SHISA9: variants seen among roughly 807,000 people sequenced by gnomAD.
SHISA9 encodes the protein protein shisa-9.
A neutral mutation model predicts 38.0 loss-of-function variants in SHISA9; 13 were observed. The observed-to-expected ratio is 0.34, with a 90% CI of 0.22 to 0.54. SHISA9 has a LOEUF of 0.54. SHISA9 is among the 20% of genes least tolerant of loss of function. The pLI is 0.91. For missense variants in SHISA9, 538 were observed against 575.8 expected (o/e 0.93, Z 0.67); for synonymous variants, 275 against 242.0 (o/e 1.14, Z -1.27).
intron 2 of SHISA9, among the ~76,000 whole-genome samples, chr16:12,937,386 T>C (rs2071548443): frequency 6.6e-6 from 1 of 152,252 alleles, no homozygotes; most frequent in Non-Finnish European, 1.5e-5. Context: ...ATAAGTTTAT[T>C]GTCTGTTCTC....
the SHISA9 span, among the ~76,000 whole-genome samples, chr16:13,552,073 C>T: frequency 9.7e-4 from 148 of 152,240 alleles, no homozygotes; most frequent in Non-Finnish European, 1.8e-3. Context: ...ACGCATTTTG[C>T]TTCAGCTTTG....
At chr16:13,002,623 C>T (rs937179177) in intron 2 of SHISA9, among the ~76,000 whole-genome samples, 6 of 150,874 alleles carry the variant, frequency 4.0e-5, no homozygotes, top group African/African-American at 1.2e-4. Flanking sequence ...ACCTCCACCC[C>T]CTGGGCTCAA....
At chr16:13,030,608 C>T (rs902284659) in intron 2 of SHISA9, among the ~76,000 whole-genome samples, 1 of 152,180 alleles carries the variant, frequency 6.6e-6, no homozygotes, top group African/African-American at 2.4e-5. Flanking sequence ...CGGACCACAT[C>T]AGTGAGTTGA....
At chr16:13,074,208 G>A (rs1371387517) in intron 2 of SHISA9, among the ~76,000 whole-genome samples, 1 of 152,096 alleles carries the variant, frequency 6.6e-6, no homozygotes, top group Non-Finnish European at 1.5e-5. Context: ...GACCTCAGGT[G>A]ATCCACCCCC....
rs577725904 is a variant in SHISA9 at position 13,049,080 on chromosome 16, G to C, written c.691+132265G>C. Among the ~76,000 whole-genome samples, 651 of 152,010 alleles carry C rather than the reference G, an allele frequency of 4.3e-3. 3 individuals carry two copies. The highest frequency in any genetic ancestry group is 0.027 in the Middle Eastern group (8 of 294). On this transcript the variant is annotated intron_variant, in intron 2 of 4. Coordinates refer to ENST00000558583, the MANE Select transcript of SHISA9 (RefSeq NM_001145204.3). ...TAAAAAAATTTGCTTTGTGTTCCAG[G>C]TTCAGCAGGCACTAGCCAGGAAATT...
chr16:12,991,999 GGT>G (rs2072392991), intron 2 of SHISA9, among the ~76,000 whole-genome samples: 1 of 151,964 alleles, frequency 6.6e-6, no homozygotes, highest in South Asian at 2.1e-4. Flanking sequence ...TGTCTAGAAG[GGT>G]ACCCAGCACA....
At chr16:13,444,926 C>T in the SHISA9 span, among the ~76,000 whole-genome samples, 1 of 147,350 alleles carries the variant, frequency 6.8e-6, no homozygotes, top group Non-Finnish European at 1.5e-5. Flanking sequence ...TCAAGTGATT[C>T]TTGTGTCTCA....
chr16:13,487,897 C>T, the SHISA9 span, among the ~76,000 whole-genome samples: 1 of 152,094 alleles, frequency 6.6e-6, no homozygotes, highest in Non-Finnish European at 1.5e-5. Context: ...TGGGCCAATG[C>T]AATTATTTGG....
At chr16:13,428,152 A>G in the SHISA9 span, among the ~76,000 whole-genome samples, 5 of 152,114 alleles carry the variant, frequency 3.3e-5, no homozygotes, top group East Asian at 9.6e-4. Flanking sequence ...TCAAGGTTTA[A>G]CTAGTCTTGT....
At chr16:13,036,452 G>C (rs980543122) in intron 2 of SHISA9, among the ~76,000 whole-genome samples, 2 of 152,130 alleles carry the variant, frequency 1.3e-5, no homozygotes, top group Non-Finnish European at 2.9e-5. Context: ...GCTAAATAGT[G>C]TTTGTCTGAG....
intron 2 of SHISA9, among the ~76,000 whole-genome samples, chr16:13,178,429 C>T (rs2050750079): frequency 6.6e-6 from 1 of 151,908 alleles, no homozygotes; most frequent in South Asian, 2.1e-4. Context: ...TGCCTCCCAT[C>T]TTGGGCCCCA....
chr16:13,496,326 A>C, the SHISA9 span, among the ~76,000 whole-genome samples: 1 of 152,186 alleles, frequency 6.6e-6, no homozygotes, highest in African/African-American at 2.4e-5. Context: ...ATAATAAGGT[A>C]ATGAGGTAAT....
At chr16:13,021,193 G>A (rs952204565) in intron 2 of SHISA9, among the ~76,000 whole-genome samples, 1 of 152,152 alleles carries the variant, frequency 6.6e-6, no homozygotes, top group South Asian at 2.1e-4. Flanking sequence ...ACCTCCTTCA[G>A]GGTGTTTGGT....
intron 1 of SHISA9, chr16:12,909,703 C>G (rs559568614): frequency 7.8e-6 from 4 of 516,062 alleles, no homozygotes; most frequent in South Asian, 1.7e-4. Flanking sequence ...CCACCCCAGC[C>G]TGACACACTC....
the SHISA9 span, among the ~76,000 whole-genome samples, chr16:13,376,562 T>C: frequency 6.6e-6 from 1 of 152,214 alleles, no homozygotes; most frequent in Non-Finnish European, 1.5e-5. Flanking sequence ...TTGCAGAAAA[T>C]TGAATCAGGA....
At chr16:13,164,285 C>T (rs576099125) in intron 2 of SHISA9, among the ~76,000 whole-genome samples, 25 of 152,118 alleles carry the variant, frequency 1.6e-4, no homozygotes, top group African/African-American at 4.3e-4. Flanking sequence ...TTATGAATTA[C>T]ATGGATTGAA....
intron 2 of SHISA9, among the ~76,000 whole-genome samples, chr16:12,979,585 A>G (rs1217027037): frequency 6.6e-6 from 1 of 152,108 alleles, no homozygotes; most frequent in Non-Finnish European, 1.5e-5. Flanking sequence ...TGCTTCTCGT[A>G]TAGTCTTGAA....
the SHISA9 span, among the ~76,000 whole-genome samples, chr16:13,297,293 G>C: frequency 6.6e-6 from 1 of 151,976 alleles, no homozygotes; most frequent in Non-Finnish European, 1.5e-5. Context: ...TATTCCTATG[G>C]GTCACATGGT....
the SHISA9 span, among the ~76,000 whole-genome samples, chr16:13,558,503 T>C: frequency 6.6e-6 from 1 of 152,194 alleles, no homozygotes; most frequent in Non-Finnish European, 1.5e-5. Context: ...TTTTTATCAA[T>C]CAATCAATGC....
Sources: gnomAD v4.1 joint callset for allele counts (sites outside exome capture counted in the v4.1 genomes callset) on GRCh38, gnomAD v4.1.1 for gene constraint, MANE v1.5 for transcripts, NCBI Gene and HGNC (gene_info 2026-07-23, HGNC 2026-07-21) for gene names.